Variants in SOX5 observed in about 807,000 individuals in gnomAD.
SOX5 encodes the protein SRY-box transcription factor 5.
SOX5 carries 9 observed loss-of-function variants against 92.0 expected under a neutral mutation model. That is an observed-to-expected ratio of 0.10 (90% CI 0.06 to 0.17). The LOEUF is 0.17. Among genes scored for constraint, SOX5 ranks in the 10% least tolerant of loss-of-function variants. The pLI, the probability that SOX5 is intolerant of heterozygous loss-of-function variation, is 1.00. For synonymous variants in SOX5, 344 were observed against 336.3 expected (o/e 1.02, Z -0.25); for missense variants, 642 against 944.5 (o/e 0.68, Z 4.20).
At chr12:23,903,663 A>G (rs1193758185) in intron 1 of SOX5, among the ~76,000 whole-genome samples, 1 of 152,234 alleles carries the variant, frequency 6.6e-6, no homozygotes, top group Non-Finnish European at 1.5e-5. Flanking sequence ...GCAAAGCAAA[A>G]TAAAAATTGG....
chr12:24,038,719 C>G (rs772212928), intron 4 of SOX5, among the ~76,000 whole-genome samples: 2 of 152,050 alleles, frequency 1.3e-5, no homozygotes, highest in Non-Finnish European at 2.9e-5. Context: ...CTCAGGAAAC[C>G]CTTTCAACTT....
intron 6 of SOX5, among the ~76,000 whole-genome samples, chr12:23,691,176 A>C (rs1228601077): frequency 1.3e-5 from 2 of 152,210 alleles, no homozygotes; most frequent in African/African-American, 4.8e-5. Context: ...GCCAGATAGA[A>C]GGGTACTGAA....
chr12:24,216,988 G>A (rs1959199605), intron 3 of SOX5, among the ~76,000 whole-genome samples: 1 of 152,144 alleles, frequency 6.6e-6, no homozygotes, highest in Non-Finnish European at 1.5e-5. Flanking sequence ...TGAACATACT[G>A]ATGTACCAGG....
chr12:23,614,616 A>T (rs2076336260), intron 8 of SOX5, among the ~76,000 whole-genome samples: 1 of 152,228 alleles, frequency 6.6e-6, no homozygotes, highest in South Asian at 2.1e-4. Context: ...TAATCCTGCT[A>T]TGAACATTCC....
intron 4 of SOX5, among the ~76,000 whole-genome samples, chr12:24,194,973 T>C (rs939013970): frequency 6.6e-6 from 1 of 152,142 alleles, no homozygotes; most frequent in Non-Finnish European, 1.5e-5. Context: ...ATTCCTTAGA[T>C]AGTAAGCTTG....
chr12:24,379,331 G>A (rs1001184116), intron 1 of SOX5, among the ~76,000 whole-genome samples: 1 of 152,142 alleles, frequency 6.6e-6, no homozygotes, highest in African/African-American at 2.4e-5. Context: ...ATAATTCTAC[G>A]TGCTAATGCA....
At chr12:23,708,328 AC>A (rs2140321105) in intron 6 of SOX5, among the ~76,000 whole-genome samples, 1 of 152,144 alleles carries the variant, frequency 6.6e-6, no homozygotes, top group South Asian at 2.1e-4. Context: ...AAAAAAAAAA[AC>A]AAACACAGAG....
chr12:23,590,082 T>C (rs760074956), intron 9 of SOX5, among the ~76,000 whole-genome samples: 2 of 151,944 alleles, frequency 1.3e-5, no homozygotes, highest in Admixed American at 6.6e-5. Flanking sequence ...GATATTATAT[T>C]GCTAGTGGTG....
In SOX5 at chr12:23,872,164, ATTT is replaced by A. The variant is rs71059938; in HGVS notation, c.270+23626_270+23628del. On this transcript the variant is annotated intron_variant, in intron 2 of 14. Coordinates refer to ENST00000451604, the MANE Select transcript of SOX5 (RefSeq NM_006940.6). ...AGGCGCCCGCCACCACGCCCGGCTA[ATTT>A]TTTTTTTTTTTTTTTTTTTTTTTTT... is the stretch of plus-strand genomic sequence containing the variant. Among the ~76,000 whole-genome samples, 25 of 61,648 alleles carry A rather than the reference ATTT, an allele frequency of 4.1e-4. 1 individual carries two copies. The highest frequency in any genetic ancestry group is 9.2e-4 in the African/African-American group (16 of 17,430). 40.4% of individuals were successfully genotyped at this position (61,648 alleles called of 152,430 possible).
At chr12:24,534,568 ACT>A (rs1329337497) in intron 1 of SOX5, among the ~76,000 whole-genome samples, 7 of 152,082 alleles carry the variant, frequency 4.6e-5, no homozygotes, top group African/African-American at 1.7e-4. Context: ...TTAACTAGAG[ACT>A]CTTAAAACCT....
At chr12:23,579,405 A>G (rs1422634379) in intron 9 of SOX5, among the ~76,000 whole-genome samples, 2 of 152,148 alleles carry the variant, frequency 1.3e-5, no homozygotes, top group East Asian at 1.9e-4. Flanking sequence ...CTTGATCTTT[A>G]TACTGGTAAC....
intron 1 of SOX5, among the ~76,000 whole-genome samples, chr12:23,926,936 A>G (rs2139050753): frequency 6.6e-6 from 1 of 152,220 alleles, no homozygotes; most frequent in Middle Eastern, 3.4e-3. Context: ...AATAGGATAA[A>G]GAACTTTTTG....
intron 11 of SOX5, among the ~76,000 whole-genome samples, chr12:23,556,294 T>A (rs982960630): frequency 2.0e-5 from 3 of 152,310 alleles, no homozygotes; most frequent in Admixed American, 6.5e-5. Flanking sequence ...TTATATAAAT[T>A]TGCAGGGTAG....
In SOX5 at chr12:23,838,851, G is replaced by T. The variant is rs1444888994; in HGVS notation, c.481+7132C>A. On this transcript the variant is annotated intron_variant, in intron 3 of 14. Coordinates refer to ENST00000451604, the MANE Select transcript of SOX5 (RefSeq NM_006940.6). ...CAGTAGTTCTTTTTTTTTGGGGGGG[G>T]GGGGCGGGGATGGAGTCTCGCTTTG... is the stretch of plus-strand genomic sequence containing the variant. 1.9e-5 allele frequency among the ~76,000 whole-genome samples: 2 copies of T among 102,746 alleles called. 1 individual carries two copies. Among genetic ancestry groups the T allele is most frequent in the Admixed American group, 2.1e-4 (2 of 9,622 alleles). The allele number at this position is 102,746 out of a possible 152,430, so 67.4% of individuals were successfully genotyped here. A position where few individuals can be genotyped will look rare whatever the true frequency, so the allele number is the denominator to read the frequency against.
At chr12:23,968,933 A>C (rs2140111681) in intron 4 of SOX5, among the ~76,000 whole-genome samples, 1 of 152,254 alleles carries the variant, frequency 6.6e-6, no homozygotes, top group Non-Finnish European at 1.5e-5. Context: ...ATTTGCCAAG[A>C]CTATTTCTAT....
intron 4 of SOX5, among the ~76,000 whole-genome samples, chr12:24,014,725 C>T (rs773035396): frequency 3.3e-4 from 50 of 152,096 alleles, no homozygotes; most frequent in Non-Finnish European, 6.0e-4. Context: ...GTTGCAGAGA[C>T]AAAAACTGGA....
At chr12:23,965,767 C>T (rs980340762) in intron 4 of SOX5, among the ~76,000 whole-genome samples, 32 of 152,100 alleles carry the variant, frequency 2.1e-4, no homozygotes, top group African/African-American at 7.0e-4. Context: ...TACAGGCGTG[C>T]ACCACCATGC....
At chr12:24,416,007 T>C (rs948376914) in intron 1 of SOX5, among the ~76,000 whole-genome samples, 4 of 152,168 alleles carry the variant, frequency 2.6e-5, no homozygotes, top group Admixed American at 1.3e-4. Flanking sequence ...ACAGAAAACT[T>C]ATCCTGGACA....
intron 3 of SOX5, among the ~76,000 whole-genome samples, chr12:23,758,757 A>C (rs1485825608): frequency 6.6e-6 from 1 of 151,906 alleles, no homozygotes; most frequent in East Asian, 1.9e-4. Context: ...GAAGGTATTT[A>C]GGTCATAAGG....
Sources: gnomAD v4.1 joint callset for allele counts (sites outside exome capture counted in the v4.1 genomes callset) on GRCh38, gnomAD v4.1.1 for gene constraint, MANE v1.5 for transcripts, NCBI Gene and HGNC (gene_info 2026-07-23, HGNC 2026-07-21) for gene names.